The following DCDC1 variants were observed in gnomAD, a reference collection of about 807,000 sequenced individuals.
DCDC1 encodes the protein doublecortin domain-containing protein 1.
In DCDC1, 200 loss-of-function variants were observed where a neutral mutation model predicts 178.3. The ratio of observed to expected loss-of-function variants is 1.12; its 90% confidence interval spans 1.00 to 1.26. The LOEUF is 1.26. DCDC1 is among the 50% of genes most tolerant of loss of function. DCDC1 has a pLI of 0.00. For synonymous variants in DCDC1, 690 were observed against 604.8 expected, an observed-to-expected ratio of 1.14 and a Z score of -2.07; for missense variants, 1,983 against 1,749.2, an observed-to-expected ratio of 1.13 and a Z score of -2.38.
intron 6 of DCDC1, among the ~76,000 whole-genome samples, chr11:31,297,040 A>G (rs1424669895): frequency 2.0e-5 from 3 of 152,196 alleles, no homozygotes; most frequent in Non-Finnish European, 4.4e-5. Context: ...CTCTGAGGAC[A>G]TATGTTTTCA....
chr11:31,187,836 C>G (rs1969683620), intron 9 of DCDC1, among the ~76,000 whole-genome samples: 1 of 152,176 alleles, frequency 6.6e-6, no homozygotes, highest in South Asian at 2.1e-4. Context: ...GTGATAGGAA[C>G]CCATCCCTTC....
At chr11:31,112,498 G>A (rs1321441090) in intron 11 of DCDC1, among the ~76,000 whole-genome samples, 1 of 152,086 alleles carries the variant, frequency 6.6e-6, no homozygotes, top group Non-Finnish European at 1.5e-5. Context: ...TCTCTGCATG[G>A]CCTCACCTCC....
Position 31,305,697 on chromosome 11 carries a change from G to C in DCDC1, c.672C>G (p.Leu224=), listed in dbSNP as rs143506703. ...RVFLADGKEA[L]EPEDIPHEAD... is the part of the protein sequence containing the mutation. ...CTTCATGGGGTATATCTTCAGGTTCGAGGGCTTCCTTGCCGTCTGCCAAGA... is the reference window on the plus strand; with the variant it reads ...CTTCATGGGGTATATCTTCAGGTTCCAGGGCTTCCTTGCCGTCTGCCAAGA... The change falls in exon 6 of 39, where the codon CTC becomes CTG. Residue 224 remains leucine, a synonymous_variant. Transcript: ENST00000684477. 40,623 of 1,613,706 alleles carry C rather than the reference G, an allele frequency of 0.025. 606 individuals are homozygous for C. Among genetic ancestry groups the C allele is most frequent in the Non-Finnish European group, 0.028 (33,112 of 1,179,834 alleles).
intron 20 of DCDC1, among the ~76,000 whole-genome samples, chr11:30,982,835 G>A (rs1950459890): frequency 6.6e-6 from 1 of 152,074 alleles, no homozygotes; most frequent in African/African-American, 2.4e-5. Flanking sequence ...GCCCCATACT[G>A]AGATGATTGC....
intron 9 of DCDC1, among the ~76,000 whole-genome samples, chr11:31,229,013 C>T (rs1975390365): frequency 6.6e-6 from 1 of 151,928 alleles, no homozygotes; most frequent in Non-Finnish European, 1.5e-5. Flanking sequence ...TATAACAGAC[C>T]TGTACATATA....
intron 17 of DCDC1, among the ~76,000 whole-genome samples, chr11:31,090,690 C>G (rs1957772126): frequency 6.6e-6 from 1 of 152,116 alleles, no homozygotes; most frequent in South Asian, 2.1e-4. Context: ...GTATTTATGG[C>G]TGGATCAACT....
At chr11:31,075,091 T>G (rs920056372) in intron 18 of DCDC1, among the ~76,000 whole-genome samples, 1 of 152,176 alleles carries the variant, frequency 6.6e-6, no homozygotes, top group African/African-American at 2.4e-5. Flanking sequence ...CATTCTACAC[T>G]CTATGTCCAT....
At chr11:31,347,904 G>A (rs1267788001) in intron 1 of DCDC1, among the ~76,000 whole-genome samples, 3 of 152,184 alleles carry the variant, frequency 2.0e-5, no homozygotes, top group African/African-American at 7.2e-5. Context: ...CTTACTGGAG[G>A]TCATAAGTAG....
rs151067070 is a variant in DCDC1, at chr11:31,005,718, A to G, written c.2592-53150T>C. Among the ~76,000 whole-genome samples, 717 of 152,224 alleles carry G rather than the reference A, an allele frequency of 4.7e-3. 9 individuals are homozygous for G. Among genetic ancestry groups the G allele is most frequent in the African/African-American group, 0.016 (645 of 41,520 alleles). ...CTTCTCTCCTACAGATAGTCTCTTCAGCCTTCACCATCAGCCAATGACAGT... is the reference window on the plus strand; with the variant it reads ...CTTCTCTCCTACAGATAGTCTCTTCGGCCTTCACCATCAGCCAATGACAGT... On this transcript the variant is annotated intron_variant, in intron 20 of 38. Transcript: ENST00000684477.
chr11:31,148,184 T>C (rs1410312606), intron 9 of DCDC1, among the ~76,000 whole-genome samples: 2 of 133,858 alleles, frequency 1.5e-5, no homozygotes, highest in Non-Finnish European at 3.1e-5. Context: ...CTCCACAGAA[T>C]GTGTAAGAGC....
chr11:31,143,065 A>C (rs1218886988), intron 9 of DCDC1, among the ~76,000 whole-genome samples: 1 of 152,190 alleles, frequency 6.6e-6, no homozygotes, highest in Admixed American at 6.5e-5. Flanking sequence ...GTAAAGTGCA[A>C]TATGGTTAAG....
intron 37 of DCDC1, 147 bp downstream of exon 37, chr11:30,881,011 T>G: frequency 1.1e-6 from 1 of 906,198 alleles, no homozygotes; most frequent in Non-Finnish European, 1.6e-6. Flanking sequence ...CATAAATATA[T>G]AAATTTAACT....
chr11:31,143,194 A>C (rs2136040561), intron 9 of DCDC1, among the ~76,000 whole-genome samples: 1 of 152,360 alleles, frequency 6.6e-6, no homozygotes, highest in African/African-American at 2.4e-5. Flanking sequence ...AATATCATTT[A>C]GAGATGGAGT....
chr11:30,983,816 T>C (rs1950504909), intron 20 of DCDC1, among the ~76,000 whole-genome samples: 1 of 151,930 alleles, frequency 6.6e-6, no homozygotes. Flanking sequence ...CCCTCACTCA[T>C]GAAAATAATC....
chr11:31,014,122 C>A (rs1205416126), intron 20 of DCDC1, among the ~76,000 whole-genome samples: 1 of 152,138 alleles, frequency 6.6e-6, no homozygotes, highest in Non-Finnish European at 1.5e-5. Flanking sequence ...TAAATGAGGT[C>A]ATAAGGGTGG....
chr11:31,242,732 A>G (rs965834234), intron 8 of DCDC1, among the ~76,000 whole-genome samples: 6 of 151,894 alleles, frequency 4.0e-5, no homozygotes, highest in South Asian at 2.1e-4. Flanking sequence ...TTGAATTACA[A>G]TTAGGTTCAG....
chr11:31,315,950 C>A (rs1005634276), intron 3 of DCDC1, among the ~76,000 whole-genome samples: 1 of 113,160 alleles, frequency 8.8e-6, no homozygotes, highest in Non-Finnish European at 1.7e-5. Flanking sequence ...ATGATGGTTT[C>A]CAATTTCATC....
intron 17 of DCDC1, among the ~76,000 whole-genome samples, chr11:31,079,519 G>A (rs1483712405): frequency 1.3e-5 from 2 of 152,190 alleles, no homozygotes; most frequent in Non-Finnish European, 2.9e-5. Context: ...TGGTTGGTCA[G>A]GAGTATAGGT....
At chr11:31,064,714 T>C in intron 19 of DCDC1, 88 bp from the exon 20 acceptor site, 1 of 691,672 alleles carries the variant, frequency 1.4e-6, no homozygotes, top group Non-Finnish European at 2.6e-6. Flanking sequence ...AACACTGCAG[T>C]TTTCATGGTG....
Sources: allele counts gnomAD v4.1 joint callset (sites outside exome capture counted in the v4.1 genomes callset), GRCh38; gene constraint gnomAD v4.1.1; transcripts MANE v1.5; gene names NCBI Gene and HGNC (gene_info 2026-07-23, HGNC 2026-07-21).